The following DAW1 variants were observed in gnomAD, a reference collection of about 807,000 sequenced individuals.
The protein encoded by DAW1 is dynein assembly factor with WD repeats 1.
A neutral mutation model predicts 56.5 loss-of-function variants in DAW1; 47 were observed. The ratio of observed to expected loss-of-function variants is 0.83; its 90% CI spans 0.66 to 1.06. The LOEUF (loss-of-function observed/expected upper bound fraction) is 1.06, where lower values mean the gene tolerates loss of function less well. Among genes scored for constraint, DAW1 ranks in the 50% least tolerant of loss-of-function variants. DAW1 has a pLI of 0.00. For missense variants in DAW1, 505 were observed against 499.3 expected (o/e 1.01, Z -0.11); for synonymous variants, 190 against 179.0 (o/e 1.06, Z -0.49).
chr2:227,898,416 G>A (rs913200652), intron 6 of DAW1, 135 bp downstream of exon 6: 3 of 300,556 alleles, frequency 1.0e-5, no homozygotes. Context: ...CGCCTCCTGG[G>A]TTCATGCCAT....
chr2:227,883,419 G>A lies in DAW1; in HGVS notation c.41-1932G>A, dbSNP rs188139780. 8.3e-4 allele frequency among the ~76,000 whole-genome samples: 127 copies of A among 152,298 alleles called. 1 individual carries two copies. The highest frequency in any genetic ancestry group is 2.9e-3 in the African/African-American group (122 of 41,572). ...AGTATTTTTCAAATGTCCAGTGCAT[G>A]ATTATGCATGGACCATGCATGAATA... On this transcript the variant is annotated intron_variant, in intron 1 of 12. Transcript: ENST00000309931.
At chr2:227,905,120 C>A in intron 8 of DAW1, 85 bp downstream of exon 8, 2 of 1,012,604 alleles carry the variant, frequency 2.0e-6, no homozygotes, top group Non-Finnish European at 1.4e-6. Flanking sequence ...AAGCTACTAT[C>A]TATTAACTCT....
chr2:227,896,788 A>G (rs891196175), intron 5 of DAW1, among the ~76,000 whole-genome samples: 1 of 152,094 alleles, frequency 6.6e-6, no homozygotes, highest in Non-Finnish European at 1.5e-5. Flanking sequence ...GATATAGAGA[A>G]CAGTTTGTGA....
intron 12 of DAW1, 143 bp downstream of exon 12, chr2:227,921,704 C>T (rs1686820523): frequency 2.4e-6 from 2 of 850,040 alleles, no homozygotes; most frequent in Non-Finnish European, 3.4e-6. Context: ...CTCATATTTT[C>T]ATTATTTAAT....
intron 6 of DAW1, among the ~76,000 whole-genome samples, chr2:227,902,327 C>T (rs1160219128): frequency 6.6e-6 from 1 of 151,910 alleles, no homozygotes; most frequent in Non-Finnish European, 1.5e-5. Context: ...CTAACAGTGT[C>T]GAGGATACTG....
At chr2:227,872,731 T>A (rs1690787008) in intron 1 of DAW1, among the ~76,000 whole-genome samples, 1 of 119,960 alleles carries the variant, frequency 8.3e-6, no homozygotes, top group Non-Finnish European at 1.6e-5. Context: ...TTCTGCCAGC[T>A]CTAAGTCCAA....
At chr2:227,912,154 C>G (rs1691840937) in intron 10 of DAW1, 1 of 363,854 alleles carries the variant, frequency 2.7e-6, no homozygotes, top group Non-Finnish European at 5.4e-6. Context: ...TTTCTGGAAC[C>G]AAGTATAATG....
chr2:227,912,279 C>G lies in DAW1; in HGVS notation c.973+5027C>G, dbSNP rs781214883. 1.1e-4 allele frequency: 85 copies of G among 795,968 alleles called. 1 individual carries two copies. The South Asian group carries it at 1.2e-3, about 11-fold the overall frequency. The allele number at this position is 795,968 out of a possible 1,614,324, so 49.3% of individuals were successfully genotyped here. On this transcript the variant is annotated intron_variant, in intron 10 of 12. Transcript: ENST00000309931. ...ATGGAGTCTCGCTCTGTCGCCCAGG[C>G]TGGAGTGCAGTGGCACGATCTTGGC...
chr2:227,881,332 A>C (rs1484237924), intron 1 of DAW1, among the ~76,000 whole-genome samples: 1 of 152,194 alleles, frequency 6.6e-6, no homozygotes, highest in African/African-American at 2.4e-5. Flanking sequence ...GAGGGATCTG[A>C]ATGTGTTGCT....
At chr2:227,896,591 GGAGT>G (rs1251903061) in intron 5 of DAW1, among the ~76,000 whole-genome samples, 2 of 84,490 alleles carry the variant, frequency 2.4e-5, no homozygotes, top group Non-Finnish European at 2.4e-5. Context: ...AGAATAAGAG[GGAGT>G]GTGTGTGTGT....
chr2:227,911,697 T>A (rs918879527), intron 10 of DAW1, among the ~76,000 whole-genome samples: 1 of 152,170 alleles, frequency 6.6e-6, no homozygotes, highest in African/African-American at 2.4e-5. Flanking sequence ...GTTTTCATCC[T>A]CTCCTTGGCA....
intron 9 of DAW1, 47 bp downstream of exon 9, chr2:227,906,385 C>A: frequency 7.8e-7 from 1 of 1,282,680 alleles, no homozygotes; most frequent in Non-Finnish European, 1.1e-6. Flanking sequence ...TGTCTATACT[C>A]TTTACTGTGT....
At chr2:227,921,257 A>T in intron 11 of DAW1, 142 bp from the exon 12 acceptor site, 1 of 871,334 alleles carries the variant, frequency 1.1e-6, no homozygotes, top group Non-Finnish European at 1.7e-6. Context: ...AAATTGTTCT[A>T]TGCAAGAATA....
At chr2:227,913,948 CATCT>C (rs1401362960) in intron 10 of DAW1, among the ~76,000 whole-genome samples, 3 of 150,830 alleles carry the variant, frequency 2.0e-5, no homozygotes, top group African/African-American at 4.9e-5. Flanking sequence ...TCATCATCAT[CATCT>C]ATCTAATCTA....
chr2:227,923,363 A>G (rs1692152833), intron 12 of DAW1, among the ~76,000 whole-genome samples: 1 of 152,196 alleles, frequency 6.6e-6, no homozygotes, highest in South Asian at 2.1e-4. Flanking sequence ...CATTTGTTAA[A>G]ACATGAAGTG....
rs537397063 is a variant in DAW1 at position 227,898,044 on chromosome 2, C to T, written c.441-138C>T. On this transcript the variant is annotated intron_variant, in intron 5 of 12. Transcript: ENST00000309931. ...AAAATTAGACTTTTATTTTATTATCCACTGAAACAAATTTAAGATTGCTTA... is the reference window on the plus strand; with the variant it reads ...AAAATTAGACTTTTATTTTATTATCTACTGAAACAAATTTAAGATTGCTTA... 349 of 371,656 alleles carry T rather than the reference C, an allele frequency of 9.4e-4. 2 individuals are homozygous for T. Among genetic ancestry groups the T allele is most frequent in the Non-Finnish European group, 1.3e-3 (276 of 212,536 alleles). 23.0% of individuals were successfully genotyped at this position (371,656 alleles called of 1,614,324 possible).
In DAW1 at chr2:227,889,837, T is replaced by G; in HGVS notation, c.114-19T>G. The G allele has an allele frequency of 6.5e-7, 1 of 1,541,700 alleles. No homozygotes were observed. On this transcript the variant is annotated intron_variant, in intron 2 of 12. Coordinates refer to ENST00000309931, the MANE Select transcript of DAW1 (RefSeq NM_178821.3). ...TTTTGACATAAAATAAAAGAAACTC[T>G]TTTTTGGGTGTATTTCAGCACTGAT... is the stretch of plus-strand genomic sequence containing the variant.
chr2:227,874,249 G>A (rs1690822819), intron 1 of DAW1, among the ~76,000 whole-genome samples: 1 of 152,144 alleles, frequency 6.6e-6, no homozygotes, highest in African/African-American at 2.4e-5. Context: ...TGGGCAATTT[G>A]TTTTATTCTA....
chr2:227,888,643 A>G lies in DAW1; in HGVS notation c.114-1213A>G, dbSNP rs1033043757. Among the ~76,000 whole-genome samples, 3 of 152,222 alleles carry G rather than the reference A, an allele frequency of 2.0e-5. No homozygotes were observed. In the South Asian group the frequency reaches 6.2e-4, roughly 31 times the overall value. On this transcript the variant is annotated intron_variant, in intron 2 of 12. Coordinates refer to ENST00000309931, the MANE Select transcript of DAW1 (RefSeq NM_178821.3). ...CTGCAGCTAGAAGCTGTCAGGCAAC[A>G]AAGCTCCAACCCTGACTCTGGGCTT... is the stretch of plus-strand genomic sequence containing the variant.
Sources: gnomAD v4.1 joint callset for allele counts (sites outside exome capture counted in the v4.1 genomes callset) on GRCh38, gnomAD v4.1.1 for gene constraint, MANE v1.5 for transcripts, NCBI Gene and HGNC (gene_info 2026-07-23, HGNC 2026-07-21) for gene names.